CR1: variants seen among roughly 807,000 people sequenced by gnomAD.
CR1 encodes complement receptor type 1.
CR1 carries 116 observed loss-of-function variants against 187.3 expected under a neutral mutation model. That is an observed-to-expected ratio of 0.62 (90% CI 0.53 to 0.72). The LOEUF is 0.72. Ranked by LOEUF, CR1 falls within the 30% of genes least tolerant of loss-of-function variation. The probability of loss-of-function intolerance (pLI) is 0.00; values close to 1 mark genes in which losing one functional copy is unlikely to be tolerated. For missense variants in CR1, 1,731 were observed against 2,110.7 expected, an observed-to-expected ratio of 0.82 and a Z score of 3.52; for synonymous variants, 576 against 747.1, an observed-to-expected ratio of 0.77 and a Z score of 3.73.
chr1:207,610,412 A>G (rs1320103384), intron 37 of CR1, among the ~76,000 whole-genome samples: 2 of 152,102 alleles, frequency 1.3e-5, no homozygotes, highest in Non-Finnish European at 2.9e-5. Context: ...AGTTCACTGA[A>G]GCCTCTAACT....
chr1:207,590,389 C>T (rs1200829431), intron 35 of CR1, among the ~76,000 whole-genome samples: 3 of 152,142 alleles, frequency 2.0e-5, no homozygotes, highest in Admixed American at 6.6e-5. Context: ...GAAATAAAAT[C>T]CTTTACAGAC....
Position 207,580,552 on chromosome 1 carries a change from C to A in CR1, c.5155C>A (p.Arg1719Ser). The A allele has an allele frequency of 6.2e-7, 1 of 1,613,334 alleles. No homozygotes were observed. The highest frequency in any genetic ancestry group is 8.5e-7 in the Non-Finnish European group (1 of 1,179,792). The change falls in exon 31 of 47, where the codon CGT becomes AGT. Residue 1719 changes from arginine to serine, a missense_variant. Transcript: ENST00000367049. ...CTTCTTGGGTCAACTCCCTCATGGC[C>A]GTGTGCTATTTCCACTTAATCTCCA... The part of the protein sequence containing the change: ...DDFLGQLPHG[R>S]VLFPLNLQLG...
intron 3 of CR1, among the ~76,000 whole-genome samples, chr1:207,508,298 G>T (rs1441166187): frequency 2.0e-5 from 3 of 152,196 alleles, no homozygotes; most frequent in Non-Finnish European, 4.4e-5. Context: ...TGGACTTGGG[G>T]TGGCCATGAT....
chr1:207,520,055 G>T (rs1282243099), intron 4 of CR1, among the ~76,000 whole-genome samples: 1 of 152,146 alleles, frequency 6.6e-6, no homozygotes. Flanking sequence ...AGACACTGTT[G>T]TCTTTATAAA....
At chr1:207,606,955 T>C (rs910632072) in intron 35 of CR1, among the ~76,000 whole-genome samples, 3 of 152,146 alleles carry the variant, frequency 2.0e-5, no homozygotes, top group African/African-American at 7.2e-5. Flanking sequence ...ATGGATAAAA[T>C]AACTGCAAGG....
intron 4 of CR1, 43 bp downstream of exon 4, chr1:207,511,697 C>T: frequency 6.4e-7 from 1 of 1,563,930 alleles, no homozygotes; most frequent in Non-Finnish European, 8.8e-7. Flanking sequence ...CCGACACATT[C>T]TAATTTTTCT....
intron 5 of CR1, among the ~76,000 whole-genome samples, chr1:207,526,532 A>G (rs1394542518): frequency 4.6e-5 from 7 of 151,284 alleles, no homozygotes; most frequent in African/African-American, 9.8e-5. Context: ...AATGAATTGG[A>G]GATACCTCTG....
At chr1:207,616,280 C>A (rs1662092377) in intron 40 of CR1, among the ~76,000 whole-genome samples, 2 of 152,114 alleles carry the variant, frequency 1.3e-5, no homozygotes, top group Admixed American at 6.5e-5. Flanking sequence ...AAGTAGACAA[C>A]CAAATGGGTG....
intron 5 of CR1, among the ~76,000 whole-genome samples, chr1:207,526,179 T>G (rs1201028438): frequency 6.6e-6 from 1 of 151,790 alleles, no homozygotes; most frequent in Non-Finnish European, 1.5e-5. Context: ...AGGCAGCACC[T>G]TGCTACATAG....
At position 207,506,040 on chromosome 1, in the gene CR1, C is replaced by T. The variant is rs775804390; in HGVS notation, c.258C>T (p.Cys86=). The T allele has an allele frequency of 2.5e-6, 4 of 1,613,852 alleles. No homozygotes were observed. The highest frequency in any genetic ancestry group is 3.4e-6 in the Non-Finnish European group (4 of 1,179,844). The change falls in exon 2 of 47, where the codon TGC becomes TGT. Residue 86 remains cysteine (C), a synonymous_variant. Transcript: ENST00000367049. ...CCGGAAGACCGTTTTCTATCATCTG[C>T]CTAAAAAACTCAGTCTGGACTGGTG... ...GYSGRPFSII[C]LKNSVWTGAK...
chr1:207,524,533 G>A (rs1660106722), intron 5 of CR1, among the ~76,000 whole-genome samples: 1 of 151,912 alleles, frequency 6.6e-6, no homozygotes, highest in South Asian at 2.1e-4. Context: ...ATAGGTGCAT[G>A]CCACCATGCC....
chr1:207,579,630 A>G (rs1376399916), intron 29 of CR1, among the ~76,000 whole-genome samples: 1 of 152,170 alleles, frequency 6.6e-6, no homozygotes, highest in African/African-American at 2.4e-5. Context: ...TCGCCCCTCA[A>G]TCTGCATTGA....
rs544447193 is a variant in CR1 at position 207,580,028 on chromosome 1, A to G, written c.4937-212A>G. ...GATTACCTTCCTAGGAAATATGTAG[A>G]TGGAGAATCCACCAATACTGATAAC... On this transcript the variant is annotated intron_variant, in intron 29 of 46. Coordinates refer to ENST00000367049, the MANE Select transcript of CR1 (RefSeq NM_000651.6). Among the ~76,000 whole-genome samples, 8 of 152,340 alleles carry G rather than the reference A, an allele frequency of 5.3e-5. No homozygotes were observed. The South Asian group carries it at 8.3e-4, about 16-fold the overall frequency.
chr1:207,596,075 CTA>C (rs555640740), intron 35 of CR1, among the ~76,000 whole-genome samples: 11,939 of 124,448 alleles, frequency 0.096, 626 homozygotes, highest in Admixed American at 0.15. Flanking sequence ...ATATCTATAT[CTA>C]TATATATATA....
chr1:207,573,410 T>A (rs1002385347), intron 27 of CR1, among the ~76,000 whole-genome samples: 18 of 152,164 alleles, frequency 1.2e-4, no homozygotes, highest in African/African-American at 4.3e-4. Context: ...CATTTTTAAA[T>A]GCAATTGGTA....
At chr1:207,612,408 G>A (rs1465276674) in intron 39 of CR1, among the ~76,000 whole-genome samples, 3 of 152,224 alleles carry the variant, frequency 2.0e-5, no homozygotes, top group Non-Finnish European at 4.4e-5. Flanking sequence ...CCCATAAGAA[G>A]TAAGGTAGAG....
chr1:207,633,404 A>G (rs997127500), intron 46 of CR1, among the ~76,000 whole-genome samples: 1 of 152,192 alleles, frequency 6.6e-6, no homozygotes, highest in Non-Finnish European at 1.5e-5. Context: ...TTGCATATAC[A>G]CCTTGAGATT....
At chr1:207,631,956 G>A (rs1189856900) in intron 46 of CR1, among the ~76,000 whole-genome samples, 1 of 152,144 alleles carries the variant, frequency 6.6e-6, no homozygotes, top group East Asian at 1.9e-4. Flanking sequence ...ACATACATCA[G>A]AAATCCTAAA....
intron 4 of CR1, among the ~76,000 whole-genome samples, chr1:207,516,191 C>T (rs1296152224): frequency 2.0e-5 from 3 of 152,148 alleles, no homozygotes; most frequent in African/African-American, 7.2e-5. Flanking sequence ...CACTGCACTC[C>T]AGCCTAGGTG....
Sources: allele counts gnomAD v4.1 joint callset (sites outside exome capture counted in the v4.1 genomes callset), GRCh38; gene constraint gnomAD v4.1.1; transcripts MANE v1.5; gene names NCBI Gene and HGNC (gene_info 2026-07-23, HGNC 2026-07-21).